The following PCDH15 variants were observed in gnomAD, a reference collection of about 807,000 sequenced individuals.
PCDH15 encodes the protein protocadherin-15.
In PCDH15, 129 loss-of-function variants were observed where a neutral mutation model predicts 178.5. That is an observed-to-expected ratio of 0.72 (90% CI 0.63 to 0.84). The LOEUF (loss-of-function observed/expected upper bound fraction) is 0.84. Among genes scored for constraint, PCDH15 ranks in the 40% least tolerant of loss-of-function variants. PCDH15 has a pLI of 0.00. For missense variants in PCDH15, 2,230 were observed against 2,099.9 expected, an observed-to-expected ratio of 1.06 and a Z score of -1.21; for synonymous variants, 800 against 732.0, an observed-to-expected ratio of 1.09 and a Z score of -1.50.
intron 2 of PCDH15, among the ~76,000 whole-genome samples, chr10:55,141,390 G>C (rs1261429021): frequency 2.0e-5 from 3 of 151,980 alleles, no homozygotes; most frequent in Non-Finnish European, 2.9e-5. Flanking sequence ...GCTGCAAAAA[G>C]GGATATATAG....
chr10:54,504,469 G>A (rs923554693), intron 3 of PCDH15, among the ~76,000 whole-genome samples: 1 of 152,062 alleles, frequency 6.6e-6, no homozygotes, highest in African/African-American at 2.4e-5. Flanking sequence ...GTGCCTTGCA[G>A]ATACTTATTT....
At chr10:54,133,522 A>G (rs2042623486) in intron 14 of PCDH15, among the ~76,000 whole-genome samples, 1 of 152,174 alleles carries the variant, frequency 6.6e-6, no homozygotes, top group East Asian at 1.9e-4. Context: ...AAAGAATCCT[A>G]CGTAAAATAG....
intron 8 of PCDH15, among the ~76,000 whole-genome samples, chr10:54,267,538 C>T (rs1375404927): frequency 6.6e-6 from 1 of 151,080 alleles, no homozygotes; most frequent in African/African-American, 2.4e-5. Flanking sequence ...ATGATTCTGA[C>T]CAAAGACGCC....
intron 3 of PCDH15, among the ~76,000 whole-genome samples, chr10:54,504,129 C>G (rs1009131043): frequency 1.3e-5 from 2 of 152,074 alleles, no homozygotes; most frequent in African/African-American, 4.8e-5. Flanking sequence ...TAAAAATGTA[C>G]ATATTTGGAC....
chr10:54,327,862 A>C (rs373435626), intron 7 of PCDH15, among the ~76,000 whole-genome samples: 1 of 152,062 alleles, frequency 6.6e-6, no homozygotes, highest in East Asian at 1.9e-4. Flanking sequence ...GTTTATAGAA[A>C]AATTGAGAGG....
At chr10:55,407,948 TGGA>T (rs753945132) in intron 2 of PCDH15, among the ~76,000 whole-genome samples, 5 of 152,016 alleles carry the variant, frequency 3.3e-5, no homozygotes, top group Admixed American at 1.3e-4. Context: ...AGGATGTAGG[TGGA>T]GGAGAACATG....
At chr10:53,879,716 T>C (rs993734753) in intron 26 of PCDH15, among the ~76,000 whole-genome samples, 10 of 152,236 alleles carry the variant, frequency 6.6e-5, no homozygotes, top group African/African-American at 2.4e-4. Context: ...TATGTCTATG[T>C]GCCTCAGCCT....
At chr10:54,639,380 G>A (rs890121037) in intron 2 of PCDH15, among the ~76,000 whole-genome samples, 1 of 151,924 alleles carries the variant, frequency 6.6e-6, no homozygotes, top group Non-Finnish European at 1.5e-5. Context: ...AGAGTTAAGA[G>A]TTATAAAGTA....
intron 3 of PCDH15, among the ~76,000 whole-genome samples, chr10:54,830,361 T>G (rs1416281944): frequency 6.6e-6 from 1 of 152,052 alleles, no homozygotes; most frequent in East Asian, 1.9e-4. Flanking sequence ...TAGACTGGAT[T>G]AACAAAATGT....
intron 2 of PCDH15, among the ~76,000 whole-genome samples, chr10:55,349,419 C>G (rs1412057385): frequency 6.6e-6 from 1 of 152,100 alleles, no homozygotes; most frequent in Non-Finnish European, 1.5e-5. Context: ...CTATTCACAT[C>G]CTGTATCTTA....
intron 2 of PCDH15, among the ~76,000 whole-genome samples, chr10:55,430,854 C>A (rs1052373615): frequency 3.3e-5 from 5 of 152,082 alleles, no homozygotes; most frequent in African/African-American, 1.2e-4. Context: ...TAGGAATTCA[C>A]GACTACCCAG....
At chr10:55,482,488 A>G (rs1840202742) in intron 2 of PCDH15, among the ~76,000 whole-genome samples, 1 of 151,744 alleles carries the variant, frequency 6.6e-6, no homozygotes, top group Non-Finnish European at 1.5e-5. Context: ...TGCTTCCTTT[A>G]GGAGCTCTTA....
intron 3 of PCDH15, among the ~76,000 whole-genome samples, chr10:54,862,501 T>C (rs1379851479): frequency 6.6e-6 from 1 of 152,150 alleles, no homozygotes; most frequent in Non-Finnish European, 1.5e-5. Flanking sequence ...ACAGCTTATA[T>C]GCGGCTTGTC....
At chr10:54,847,652 A>G (rs1460054723) in intron 3 of PCDH15, among the ~76,000 whole-genome samples, 2 of 152,180 alleles carry the variant, frequency 1.3e-5, no homozygotes, top group Non-Finnish European at 2.9e-5. Context: ...TAACTAGCAT[A>G]CTGAAATTGT....
intron 3 of PCDH15, among the ~76,000 whole-genome samples, chr10:54,438,489 T>C (rs983076708): frequency 3.3e-5 from 5 of 151,992 alleles, no homozygotes; most frequent in Non-Finnish European, 7.4e-5. Flanking sequence ...GCACTTGGCC[T>C]ATATATAGCA....
chr10:54,389,165 CA>C (rs57032988), intron 3 of PCDH15, among the ~76,000 whole-genome samples: 129,622 of 151,662 alleles, frequency 0.85, 55,611 homozygotes, highest in East Asian at 0.99. Context: ...CAAAACAAAA[CA>C]AAAAAAAACT....
chr10:54,586,793 C>T (rs559410811), intron 2 of PCDH15, among the ~76,000 whole-genome samples: 10 of 152,112 alleles, frequency 6.6e-5, no homozygotes, highest in South Asian at 2.1e-4. Flanking sequence ...CACACCTGGA[C>T]GGATGTGCCA....
chr10:54,481,953 A>G (rs1178117258), intron 3 of PCDH15, among the ~76,000 whole-genome samples: 2 of 151,838 alleles, frequency 1.3e-5, no homozygotes, highest in Admixed American at 1.3e-4. Context: ...GTTAATACAG[A>G]GGTAAGTGTT....
intron 1 of PCDH15, among the ~76,000 whole-genome samples, chr10:54,739,918 C>G (rs1464258447): frequency 6.6e-6 from 1 of 151,958 alleles, no homozygotes; most frequent in African/African-American, 2.4e-5. Flanking sequence ...AAAACCTAAA[C>G]TATAAAATAA....
Sources: gnomAD v4.1 joint callset for allele counts (sites outside exome capture counted in the v4.1 genomes callset) on GRCh38, gnomAD v4.1.1 for gene constraint, MANE v1.5 for transcripts, NCBI Gene and HGNC (gene_info 2026-07-23, HGNC 2026-07-21) for gene names.